SRSF11: variants seen among roughly 807,000 people sequenced by gnomAD.
SRSF11 encodes serine/arginine-rich splicing factor 11.
In SRSF11, 9 loss-of-function variants were observed where a neutral mutation model predicts 56.0. That is an observed-to-expected ratio of 0.16 (90% CI 0.10 to 0.28). SRSF11 has a LOEUF of 0.28. SRSF11 is among the 10% of genes least tolerant of loss of function. SRSF11 has a pLI of 1.00. For synonymous variants in SRSF11, 222 were observed against 215.3 expected (o/e 1.03, Z -0.27); for missense variants, 421 against 600.7 (o/e 0.70, Z 3.13).
intron 2 of SRSF11, chr1:70,229,631 T>G: frequency 1.0e-6 from 1 of 984,346 alleles, no homozygotes; most frequent in Non-Finnish European, 1.2e-6. Context: ...GCTTTCCCCT[T>G]TCCTTAATAA....
intron 7 of SRSF11, among the ~76,000 whole-genome samples, chr1:70,240,984 C>T (rs1261124843): frequency 6.6e-6 from 1 of 151,646 alleles, no homozygotes; most frequent in South Asian, 2.1e-4. Context: ...GTTGGTCAGG[C>T]TCATCTCAAA....
Position 70,237,561 on chromosome 1 carries a change from T to C in SRSF11, c.718+9T>C. On this transcript the variant is annotated intron_variant, in intron 6 of 11. Coordinates refer to ENST00000370949, the MANE Select transcript of SRSF11 (RefSeq NM_001350605.2). ...TGCTGCTATAGAACCAGGTAAACAA[T>C]GTTTATGCAATTTTGTTGTGTGATT... The C allele has an allele frequency of 1.2e-6, 2 of 1,606,180 alleles. No homozygotes were observed. The highest frequency in any genetic ancestry group is 3.5e-5 in the Admixed American group (2 of 57,736).
chr1:70,221,731 C>T lies in SRSF11; in HGVS notation c.95C>T (p.Thr32Ile). Residue 32 changes from threonine to isoleucine, a missense_variant, in exon 1 of 12, where the codon ACC becomes ATC. Thr to Ile is a moderately conservative substitution (Grantham distance 89). This residue lies in a region of SRSF11 where 168 missense variants were observed against 294.9 expected (regional missense o/e 0.57). Coordinates refer to ENST00000370949, the MANE Select transcript of SRSF11 (RefSeq NM_001350605.2). ...GGTGGTGGCGGCGGAGGCGGCGGCACCGAGGTAATCCAGGTGACTAATGTC... is the reference window on the plus strand; with the variant it reads ...GGTGGTGGCGGCGGAGGCGGCGGCATCGAGGTAATCCAGGTGACTAATGTC... The part of the protein sequence containing the change: ...GGGGGGGGGG[T>I]EVIQVTNVSP... 1.2e-6 allele frequency: 2 copies of T among 1,613,984 alleles called. No homozygotes were observed. Among genetic ancestry groups the T allele is most frequent in the South Asian group, 1.1e-5 (1 of 91,080 alleles).
chr1:70,209,733 C>CTCGCTTCTTT (rs1669369510), intron 1 of SRSF11, among the ~76,000 whole-genome samples: 2 of 133,384 alleles, frequency 1.5e-5, no homozygotes, highest in Non-Finnish European at 3.1e-5. Flanking sequence ...CTAAAAGCAC[C>CTCGCTTCTTT]TCGCTTCTTT....
At chr1:70,226,899 A>G (rs985945103) in intron 1 of SRSF11, among the ~76,000 whole-genome samples, 8 of 152,244 alleles carry the variant, frequency 5.3e-5, no homozygotes, top group African/African-American at 1.9e-4. Flanking sequence ...GTTAAATTTT[A>G]TAGCAGCAGT....
chr1:70,236,792 A>ATTTTTTTTTTTTTTTT (rs35602423), intron 5 of SRSF11, among the ~76,000 whole-genome samples: 1 of 83,738 alleles, frequency 1.2e-5, no homozygotes. Context: ...TATGTCATAA[A>ATTTTTTTTTTTTTTTT]TTTTTTTTTT....
At chr1:70,242,002 C>A (rs1195493635) in intron 7 of SRSF11, among the ~76,000 whole-genome samples, 1 of 152,052 alleles carries the variant, frequency 6.6e-6, no homozygotes, top group Non-Finnish European at 1.5e-5. Context: ...CCCCGTCTCT[C>A]CTAAAAACAC....
intron 2 of SRSF11, chr1:70,231,868 C>T (rs1194239052): frequency 5.4e-6 from 8 of 1,485,756 alleles, no homozygotes; most frequent in African/African-American, 1.4e-5. Flanking sequence ...GTGAAGCAGC[C>T]GACACGAGTC....
At chr1:70,248,612 T>G (rs1303008725) in intron 9 of SRSF11, 1 of 151,954 alleles carries the variant, frequency 6.6e-6, no homozygotes, top group African/African-American at 2.4e-5. Context: ...GGCAAAGAGA[T>G]AGAAAAGATG....
At chr1:70,209,740 CT>C (rs923729248) in intron 1 of SRSF11, among the ~76,000 whole-genome samples, 79 of 27,446 alleles carry the variant, frequency 2.9e-3, no homozygotes, top group Non-Finnish European at 3.5e-3. Context: ...CACCTCGCTT[CT>C]TTTTTTTTTT....
upstream of SRSF11, among the ~76,000 whole-genome samples, chr1:70,219,714 G>A (rs141755365): frequency 6.6e-6 from 1 of 152,196 alleles, no homozygotes; most frequent in Non-Finnish European, 1.5e-5. Context: ...CTTGGCTCTA[G>A]CTAATGTTAG....
intron 2 of SRSF11, chr1:70,230,163 CATAA>C (rs1386691719): frequency 3.0e-6 from 3 of 984,100 alleles, no homozygotes; most frequent in Non-Finnish European, 3.6e-6. Context: ...AAATGACTTT[CATAA>C]ATATTTTCAG....
chr1:70,219,271 C>A (rs1670294699), upstream of SRSF11, among the ~76,000 whole-genome samples: 1 of 152,072 alleles, frequency 6.6e-6, no homozygotes, highest in Non-Finnish European at 1.5e-5. Flanking sequence ...TTGTACCAGT[C>A]CTGAGGTGAG....
intron 1 of SRSF11, among the ~76,000 whole-genome samples, chr1:70,215,450 G>A (rs1346741286): frequency 1.3e-5 from 2 of 152,162 alleles, no homozygotes; most frequent in Non-Finnish European, 2.9e-5. Context: ...TGAGGCATTT[G>A]TAAAGTTTCT....
intron 1 of SRSF11, among the ~76,000 whole-genome samples, chr1:70,207,989 G>A (rs1456681781): frequency 6.6e-6 from 1 of 152,016 alleles, no homozygotes; most frequent in African/African-American, 2.4e-5. Flanking sequence ...TGGGATTACA[G>A]GCATGAGCCA....
At chr1:70,225,453 T>C (rs1180799078) in intron 1 of SRSF11, among the ~76,000 whole-genome samples, 1 of 152,178 alleles carries the variant, frequency 6.6e-6, no homozygotes, top group Admixed American at 6.5e-5. Flanking sequence ...ACACCTCCTT[T>C]TGTGGGTTGG....
intron 1 of SRSF11, among the ~76,000 whole-genome samples, chr1:70,213,578 G>C (rs1669755322): frequency 2.0e-5 from 3 of 152,092 alleles, no homozygotes; most frequent in Admixed American, 6.6e-5. Flanking sequence ...GTAGTACCTG[G>C]TTTGGTTTTT....
chr1:70,215,556 T>A (rs1669933196), intron 1 of SRSF11, among the ~76,000 whole-genome samples: 1 of 152,212 alleles, frequency 6.6e-6, no homozygotes, highest in African/African-American at 2.4e-5. Flanking sequence ...AAATTGCCTT[T>A]TCTAGCCTCA....
chr1:70,230,764 A>G, intron 2 of SRSF11: 1 of 1,175,018 alleles, frequency 8.5e-7, no homozygotes, highest in Non-Finnish European at 1.1e-6. Context: ...AGAGGATTTT[A>G]GTTTGCCAGA....
Sources: allele counts gnomAD v4.1 joint callset (sites outside exome capture counted in the v4.1 genomes callset), GRCh38; gene constraint gnomAD v4.1.1; regional missense constraint gnomAD v4.1.1; transcripts MANE v1.5; gene names NCBI Gene and HGNC (gene_info 2026-07-23, HGNC 2026-07-21).